SESN2: variants seen among roughly 807,000 people sequenced by gnomAD.
SESN2 encodes the protein sestrin-2.
In SESN2, 42 loss-of-function variants were observed where a neutral mutation model predicts 56.0. That is an observed-to-expected ratio of 0.75 (90% CI 0.59 to 0.97). The LOEUF (loss-of-function observed/expected upper bound fraction) is 0.97. Among genes scored for constraint, SESN2 ranks in the 50% least tolerant of loss-of-function variants. The pLI is 0.00. For missense variants in SESN2, 507 were observed against 649.4 expected (o/e 0.78, Z 2.38); for synonymous variants, 264 against 267.1 (o/e 0.99, Z 0.11).
At chr1:28,277,458 C>G (rs985904154) in intron 8 of SESN2, among the ~76,000 whole-genome samples, 11 of 152,026 alleles carry the variant, frequency 7.2e-5, no homozygotes, top group Non-Finnish European at 1.3e-4. Flanking sequence ...TCAAGCTATC[C>G]GCTCGCCTCA....
At chr1:28,264,224 C>A in intron 1 of SESN2, among the ~76,000 whole-genome samples, 1 of 152,010 alleles carries the variant, frequency 6.6e-6, no homozygotes, top group East Asian at 1.9e-4. Flanking sequence ...GAGGCTGAGG[C>A]AGGAGAATTG....
chr1:28,268,407 A>G (rs535555863), intron 1 of SESN2, among the ~76,000 whole-genome samples: 19 of 152,116 alleles, frequency 1.2e-4, no homozygotes, highest in African/African-American at 4.6e-4. Flanking sequence ...GGCTCATTCC[A>G]GTAATCCCAG....
rs541081675 is a variant in SESN2, at chr1:28,279,481, T to G, written c.1356+240T>G. Among the ~76,000 whole-genome samples the G allele has an allele frequency of 2.6e-5, 4 of 152,328 alleles. No homozygotes were observed. The East Asian group carries it at 7.7e-4, about 29-fold the overall frequency. On this transcript the variant is annotated intron_variant, in intron 9 of 9. Transcript: ENST00000253063. ...TTAGTGGTAGCTTGGTGGACCTGGG[T>G]TCAAATCATAACACTATCTCTTGAT...
chr1:28,279,423 C>G (rs1198043827), intron 9 of SESN2, among the ~76,000 whole-genome samples, 182 bp downstream of exon 9: 1 of 152,196 alleles, frequency 6.6e-6, no homozygotes, highest in Non-Finnish European at 1.5e-5. Context: ...GTTTACTCAC[C>G]TGTAAAATGG....
chr1:28,262,009 A>C (rs559500703), intron 1 of SESN2, among the ~76,000 whole-genome samples: 2 of 152,164 alleles, frequency 1.3e-5, no homozygotes, highest in South Asian at 2.1e-4. Flanking sequence ...TTGAACTCCT[A>C]ACCTCAGGTG....
At chr1:28,266,886 T>C (rs1294554425) in intron 1 of SESN2, among the ~76,000 whole-genome samples, 1 of 152,134 alleles carries the variant, frequency 6.6e-6, no homozygotes, top group African/African-American at 2.4e-5. Flanking sequence ...ATATTGTTGT[T>C]GTTGTTGTTA....
In SESN2 at chr1:28,280,233, G is replaced by A. The variant is rs113125258; in HGVS notation, c.1357-483G>A. Reference sequence around the variant, plus strand: ...TTTTATAATGGGAATAAATACTGCTGTATTTCAAGGTTGCTGGGAAGATAA... The same window carrying A: ...TTTTATAATGGGAATAAATACTGCTATATTTCAAGGTTGCTGGGAAGATAA... On this transcript the variant is annotated intron_variant, in intron 9 of 9. Transcript: ENST00000253063. 4.6e-3 allele frequency among the ~76,000 whole-genome samples: 695 copies of A among 152,244 alleles called. 8 individuals carry two copies. The highest frequency in any genetic ancestry group is 0.014 in the African/African-American group (600 of 41,546).
At chr1:28,271,413 A>C (rs998444273) in intron 2 of SESN2, among the ~76,000 whole-genome samples, 3 of 152,232 alleles carry the variant, frequency 2.0e-5, no homozygotes, top group African/African-American at 7.2e-5. Flanking sequence ...TGTGAGAGTT[A>C]AATAAGTTAA....
At chr1:28,269,035 C>A in intron 1 of SESN2, 148 bp from the exon 2 acceptor site, 1 of 552,972 alleles carries the variant, frequency 1.8e-6, no homozygotes, top group Non-Finnish European at 3.2e-6. Context: ...GTGTATATCT[C>A]CCATCTGGCT....
chr1:28,272,721 T>G lies in SESN2; in HGVS notation c.678T>G (p.Pro226=). 3.7e-6 allele frequency: 6 copies of G among 1,611,764 alleles called. No homozygotes were observed. Among genetic ancestry groups the G allele is most frequent in the Non-Finnish European group, 5.1e-6 (6 of 1,177,874 alleles). ...ILPEGDADGS[P]APQAPTPPSE... Reference sequence around the variant, plus strand: ...CTGAGGGGGATGCAGATGGCAGCCCTGCCCCCCAGGCACCTACACCCCCTA... The same window carrying G: ...CTGAGGGGGATGCAGATGGCAGCCCGGCCCCCCAGGCACCTACACCCCCTA... Residue 226 remains proline, a synonymous_variant, in exon 5 of 10, where the codon CCT becomes CCG. Transcript: ENST00000253063.
intron 8 of SESN2, among the ~76,000 whole-genome samples, chr1:28,275,471 T>C (rs1332704317): frequency 1.3e-5 from 2 of 152,102 alleles, no homozygotes; most frequent in African/African-American, 4.8e-5. Context: ...AAAATTACAA[T>C]AGGCTGGGCG....
At chr1:28,265,606 G>A (rs1647533166) in intron 1 of SESN2, among the ~76,000 whole-genome samples, 1 of 152,116 alleles carries the variant, frequency 6.6e-6, no homozygotes, top group Non-Finnish European at 1.5e-5. Context: ...TGTTGGTCAG[G>A]CTGGTCTCGA....
Position 28,271,671 on chromosome 1 carries a change from C to T in SESN2, c.157-3C>T, listed in dbSNP as rs746927779. ...CCATGCTCTCCTCCCCTTTGGTTGG[C>T]AGGTCCTTCGGGAGGGGGCTGAGAG... On this transcript the variant is annotated splice_region_variant and splice_polypyrimidine_tract_variant and intron_variant, in intron 2 of 9. Transcript: ENST00000253063. 1 of 1,613,502 alleles carries T rather than the reference C, an allele frequency of 6.2e-7. No homozygotes were observed. Among genetic ancestry groups the T allele is most frequent in the Non-Finnish European group, 8.5e-7 (1 of 1,179,502 alleles).
At chr1:28,269,716 T>G (rs1001137995) in intron 2 of SESN2, among the ~76,000 whole-genome samples, 1 of 152,236 alleles carries the variant, frequency 6.6e-6, no homozygotes, top group Non-Finnish European at 1.5e-5. Flanking sequence ...TGCCACTGTT[T>G]ACTGTGCTTT....
At chr1:28,272,193 A>T in intron 3 of SESN2, 91 bp from the exon 4 acceptor site, 1 of 1,316,318 alleles carries the variant, frequency 7.6e-7, no homozygotes, top group East Asian at 2.3e-5. Context: ...GGGAACAGTG[A>T]GCCCTACAAC....
intron 1 of SESN2, among the ~76,000 whole-genome samples, chr1:28,267,779 A>G (rs927432848): frequency 1.3e-5 from 2 of 152,176 alleles, no homozygotes; most frequent in Non-Finnish European, 2.9e-5. Context: ...AACAGGTCAA[A>G]ACAGTTGCTC....
intron 8 of SESN2, 70 bp downstream of exon 8, chr1:28,275,085 C>G: frequency 1.7e-6 from 2 of 1,153,924 alleles, no homozygotes; most frequent in South Asian, 2.0e-5. Context: ...ACAGTTGTTT[C>G]CATTTTCTTT....
At position 28,274,526 on chromosome 1, in the gene SESN2, C is replaced by G. The variant is rs577766340; in HGVS notation, c.1021-299C>G. On this transcript the variant is annotated intron_variant, in intron 7 of 9. Transcript: ENST00000253063. ...AGCCTGGGTGACAGCAAGATCCTGT[C>G]TCAAAAAAAAAAAAACAGAGTTGGG... Among the ~76,000 whole-genome samples the G allele has an allele frequency of 1.0e-3, 155 of 148,332 alleles. 1 individual carries two copies. Among genetic ancestry groups the G allele is most frequent in the African/African-American group, 3.8e-3 (150 of 39,702 alleles).
Position 28,263,849 on chromosome 1 carries a change from G to A in SESN2, c.90+3912G>A, listed in dbSNP as rs530574319. ...TGTGCAAAATAGAGACTCTGCCGCCGCCCCAAAACAGATGAAAATTAGATG... is the reference window on the plus strand; with the variant it reads ...TGTGCAAAATAGAGACTCTGCCGCCACCCCAAAACAGATGAAAATTAGATG... On this transcript the variant is annotated intron_variant, in intron 1 of 9. Coordinates refer to ENST00000253063, the MANE Select transcript of SESN2 (RefSeq NM_031459.5). Among the ~76,000 whole-genome samples, 15 of 152,152 alleles carry A rather than the reference G, an allele frequency of 9.9e-5. No individual in the cohort carries two copies. The East Asian group carries it at 1.7e-3, about 18-fold the overall frequency.
Sources: allele counts gnomAD v4.1 joint callset (sites outside exome capture counted in the v4.1 genomes callset), GRCh38; gene constraint gnomAD v4.1.1; transcripts MANE v1.5; gene names NCBI Gene and HGNC (gene_info 2026-07-23, HGNC 2026-07-21).